Variants in CPS1 observed in about 807,000 individuals in gnomAD.
CPS1 encodes the protein carbamoyl-phosphate synthase [ammonia], mitochondrial.
CPS1 carries 109 observed loss-of-function variants against 174.6 expected under a neutral mutation model. The observed-to-expected ratio is 0.62, with a 90% CI of 0.53 to 0.73. The LOEUF (loss-of-function observed/expected upper bound fraction) is 0.73. CPS1 is among the 30% of genes least tolerant of loss of function. CPS1 has a pLI of 0.00. For synonymous variants in CPS1, 637 were observed against 632.0 expected (o/e 1.01, Z -0.12); for missense variants, 1,689 against 1,821.9 (o/e 0.93, Z 1.33).
chr2:210,605,829 A>T (rs892397179), intron 17 of CPS1, among the ~76,000 whole-genome samples: 1 of 151,960 alleles, frequency 6.6e-6, no homozygotes, highest in African/African-American at 2.4e-5. Context: ...AGTTGTAGGC[A>T]TAGACAAAGT....
intron 34 of CPS1, among the ~76,000 whole-genome samples, chr2:210,669,452 A>C (rs1574668145): frequency 1.3e-5 from 2 of 152,282 alleles, no homozygotes; most frequent in East Asian, 3.9e-4. Flanking sequence ...AAAAATCAAT[A>C]AAAATATAAT....
intron 1 of CPS1, among the ~76,000 whole-genome samples, chr2:210,569,789 A>T (rs781312444): frequency 2.0e-5 from 3 of 152,040 alleles, no homozygotes; most frequent in Non-Finnish European, 4.4e-5. Context: ...TCCTTTGGTT[A>T]CTTTTCCTGA....
chr2:210,633,797 C>T (rs1699944559), intron 21 of CPS1, among the ~76,000 whole-genome samples: 1 of 152,072 alleles, frequency 6.6e-6, no homozygotes, highest in African/African-American at 2.4e-5. Flanking sequence ...ACTGAAAAAG[C>T]TAAAGATAAC....
intron 1 of CPS1, among the ~76,000 whole-genome samples, chr2:210,545,470 G>A (rs936639482): frequency 5.9e-5 from 9 of 151,894 alleles, no homozygotes; most frequent in East Asian, 3.9e-4. Context: ...TGTGGTAGTA[G>A]CAATAAATTA....
chr2:210,568,660 G>T (rs1326275120), intron 1 of CPS1, among the ~76,000 whole-genome samples: 1 of 152,048 alleles, frequency 6.6e-6, no homozygotes, highest in African/African-American at 2.4e-5. Context: ...TGACTTGACA[G>T]TTGTGACTCC....
chr2:210,483,255 C>G (rs1327578086), intron 1 of CPS1, among the ~76,000 whole-genome samples: 1 of 152,136 alleles, frequency 6.6e-6, no homozygotes, highest in Admixed American at 6.5e-5. Flanking sequence ...TTGGTAGGAA[C>G]ACATAAAGGC....
chr2:210,482,022 G>C (rs1382622329), intron 1 of CPS1, among the ~76,000 whole-genome samples: 1 of 152,160 alleles, frequency 6.6e-6, no homozygotes, highest in Non-Finnish European at 1.5e-5. Flanking sequence ...ACAACACCTG[G>C]GCTGAGCCTC....
At chr2:210,486,115 T>TACACACACACACACACAC (rs60740361) in intron 1 of CPS1, among the ~76,000 whole-genome samples, 3 of 135,660 alleles carry the variant, frequency 2.2e-5, no homozygotes, top group African/African-American at 5.8e-5. Context: ...CACACACACA[T>TACACACACACACACACAC]ACACACACAC....
chr2:210,559,358 C>A (rs1697025107), intron 1 of CPS1, among the ~76,000 whole-genome samples: 1 of 152,050 alleles, frequency 6.6e-6, no homozygotes, highest in Admixed American at 6.6e-5. Flanking sequence ...TGCTTTTCCT[C>A]TCTCTTTGAT....
Position 210,581,835 on chromosome 2 carries a change from A to G in CPS1, c.529-782A>G, listed in dbSNP as rs114623069. 2.7e-3 allele frequency among the ~76,000 whole-genome samples: 412 copies of G among 152,300 alleles called. 1 individual carries two copies. The highest frequency in any genetic ancestry group is 9.2e-3 in the African/African-American group (384 of 41,576). ...TGAAAGCTTCCTTCTATTTCCTTCC[A>G]TGCAATAATTTCATCAGAGAAGGGC... On this transcript the variant is annotated intron_variant, in intron 5 of 37. Transcript: ENST00000233072.
In CPS1 at chr2:210,616,538, A is replaced by T. The variant is rs1321135442; in HGVS notation, c.2684A>T (p.Asn895Ile). Reference protein sequence around the residue: ...LNMEKTLKGLNSESMTEETLK... With the variant: ...LNMEKTLKGLISESMTEETLK... ...ATGGAAAAGACACTGAAAGGCCTCA[A>T]CAGGTAAGGCAGTGCTGCTCTCATT... Residue 895 changes from asparagine to isoleucine, a missense_variant, in exon 21 of 38, where the codon AAC (asparagine) becomes ATC (isoleucine). Transcript: ENST00000233072. 1 of 1,562,424 alleles carries T rather than the reference A, an allele frequency of 6.4e-7. No homozygotes were observed.
intron 14 of CPS1, 84 bp downstream of exon 14, chr2:210,599,645 TG>T: frequency 6.9e-7 from 1 of 1,447,878 alleles, no homozygotes; most frequent in Non-Finnish European, 9.7e-7. Context: ...CTAACAATTG[TG>T]CTTTGTGTGT....
At chr2:210,638,640 G>C (rs1700112273) in intron 22 of CPS1, among the ~76,000 whole-genome samples, 1 of 152,114 alleles carries the variant, frequency 6.6e-6, no homozygotes, top group Admixed American at 6.5e-5. Flanking sequence ...ACTGGCCCTT[G>C]AGAGTGGAAT....
intron 1 of CPS1, among the ~76,000 whole-genome samples, chr2:210,488,758 T>C (rs544787621): frequency 2.0e-5 from 3 of 152,350 alleles, no homozygotes; most frequent in African/African-American, 7.2e-5. Flanking sequence ...TAAAAAACTA[T>C]GTTTACAGCT....
intron 14 of CPS1, 96 bp downstream of exon 14, chr2:210,599,657 T>A (rs997663881): frequency 7.4e-7 from 1 of 1,347,946 alleles, no homozygotes; most frequent in African/African-American, 1.4e-5. Context: ...CTTTGTGTGT[T>A]CATAAAACCT....
chr2:210,610,460 G>T (rs1423973452), intron 19 of CPS1, among the ~76,000 whole-genome samples: 1 of 151,878 alleles, frequency 6.6e-6, no homozygotes, highest in African/African-American at 2.4e-5. Context: ...TCTGCAGTTG[G>T]TAAATTCAGA....
intron 1 of CPS1, among the ~76,000 whole-genome samples, chr2:210,545,623 CT>C (rs1696541011): frequency 6.6e-6 from 1 of 151,738 alleles, no homozygotes; most frequent in Admixed American, 6.6e-5. Flanking sequence ...TTTTATCATG[CT>C]TTTATCTTTT....
At chr2:210,528,253 A>T (rs796395342) in intron 1 of CPS1, among the ~76,000 whole-genome samples, 7 of 152,004 alleles carry the variant, frequency 4.6e-5, no homozygotes, top group African/African-American at 1.4e-4. Flanking sequence ...CAGAAAACAG[A>T]AACTTTTTTA....
chr2:210,612,560 TC>T (rs1207830145), intron 20 of CPS1, among the ~76,000 whole-genome samples: 1 of 151,850 alleles, frequency 6.6e-6, no homozygotes, highest in Non-Finnish European at 1.5e-5. Context: ...AGATAAAATG[TC>T]CCCCTTTTTA....
Sources: allele counts gnomAD v4.1 joint callset (sites outside exome capture counted in the v4.1 genomes callset), GRCh38; gene constraint gnomAD v4.1.1; transcripts MANE v1.5; gene names NCBI Gene and HGNC (gene_info 2026-07-23, HGNC 2026-07-21).